Variants in DENND6A observed in about 807,000 individuals in gnomAD.
The protein encoded by DENND6A is protein DENND6A.
In DENND6A, 43 loss-of-function variants were observed where a neutral mutation model predicts 95.5. That is an observed-to-expected ratio of 0.45 (90% CI 0.35 to 0.58). The LOEUF is 0.58. Among genes scored for constraint, DENND6A ranks in the 20% least tolerant of loss-of-function variants. The pLI is 0.00. For missense variants in DENND6A, 574 were observed against 736.0 expected (o/e 0.78, Z 2.55); for synonymous variants, 257 against 260.4 (o/e 0.99, Z 0.13).
intron 12 of DENND6A, among the ~76,000 whole-genome samples, chr3:57,640,135 G>T: frequency 6.6e-6 from 1 of 151,690 alleles, no homozygotes; most frequent in East Asian, 1.9e-4. Flanking sequence ...CAGGCGTGGT[G>T]GTGGGCGCCT....
intron 12 of DENND6A, among the ~76,000 whole-genome samples, chr3:57,636,508 T>C (rs959320152): frequency 6.6e-6 from 1 of 151,770 alleles, no homozygotes; most frequent in African/African-American, 2.4e-5. Context: ...GAAATGACAA[T>C]ATGGAGGGAA....
rs992378756 is a variant in DENND6A at position 57,627,995 on chromosome 3, G to A, written c.*219C>T. 7 of 498,294 alleles carry A rather than the reference G, an allele frequency of 1.4e-5. No individual in the cohort carries two copies. Among genetic ancestry groups the A allele is most frequent in the Non-Finnish European group, 2.3e-5 (7 of 300,426 alleles). The allele number at this position is 498,294 out of a possible 1,614,324, so 30.9% of individuals were successfully genotyped here. A position where few individuals can be genotyped will look rare whatever the true frequency, so the allele number is the denominator to read the frequency against. ...ATTAAAAATATAGAAATGCCTTTCG[G>A]TGTTTCAGTATTAAAGTGGAACCAC... On this transcript the variant is annotated 3_prime_UTR_variant, in exon 20 of 20. Transcript: ENST00000311128.
intron 8 of DENND6A, 146 bp downstream of exon 8, chr3:57,658,972 C>A: frequency 4.6e-6 from 3 of 658,984 alleles, no homozygotes; most frequent in South Asian, 2.8e-5. Context: ...AATATATTAC[C>A]AATTCATTAA....
rs747728626 is a variant in DENND6A, at chr3:57,672,476, A to C, written c.238-38T>G. On this transcript the variant is annotated intron_variant, in intron 1 of 19. Transcript: ENST00000311128. ...AGTTAAATTTTGTTAAACATATTAT[A>C]AACATTAGTTATAAACATATTATAG... 1.9e-6 allele frequency: 3 copies of C among 1,589,410 alleles called. No homozygotes were observed. The South Asian group carries it at 3.3e-5, about 18-fold the overall frequency.
chr3:57,634,737 G>GT lies in DENND6A; in HGVS notation c.1164dup (p.Leu389ThrfsTer18). The GT allele has an allele frequency of 6.4e-7, 1 of 1,571,530 alleles. No homozygotes were observed. The highest frequency in any genetic ancestry group is 8.6e-7 in the Non-Finnish European group (1 of 1,159,118). Reference sequence around the variant, plus strand: ...GAATCCAGAGTCTTTAGATTCTTCAGTTTTTTCACTTTAACCTGCTTAGGA... The same window carrying GT: ...GAATCCAGAGTCTTTAGATTCTTCAGTTTTTTTCACTTTAACCTGCTTAGGA... On this transcript the variant is annotated frameshift_variant, in exon 13 of 20. Coordinates refer to ENST00000311128, the MANE Select transcript of DENND6A (RefSeq NM_152678.3). LOFTEE classifies it high-confidence loss of function.
At chr3:57,683,072 C>T (rs149897097) in intron 1 of DENND6A, among the ~76,000 whole-genome samples, 26 of 152,292 alleles carry the variant, frequency 1.7e-4, no homozygotes, top group African/African-American at 5.8e-4. Context: ...ATCCTTTGTG[C>T]ATGTTAGGTA....
intron 1 of DENND6A, among the ~76,000 whole-genome samples, chr3:57,673,243 G>GAAAAAAAAAAA (rs111548640): frequency 1.7e-5 from 2 of 118,710 alleles, no homozygotes; most frequent in South Asian, 2.6e-4. Context: ...GAAAGAAAAA[G>GAAAAAAAAAAA]AAAAAAAAAA....
chr3:57,645,880 G>T, intron 10 of DENND6A, 124 bp from the exon 11 acceptor site: 1 of 664,898 alleles, frequency 1.5e-6, no homozygotes. Flanking sequence ...TTAATAAATG[G>T]TAAACTCATT....
chr3:57,690,047 GAAAA>G, intron 1 of DENND6A, among the ~76,000 whole-genome samples: 1 of 137,754 alleles, frequency 7.3e-6, no homozygotes, highest in East Asian at 2.2e-4. Context: ...TGTCTCTAAG[GAAAA>G]AAAAAAAAAA....
Position 57,663,735 on chromosome 3 carries a change from G to C in DENND6A, c.433-19C>G, listed in dbSNP as rs1289832863. The C allele has an allele frequency of 2.0e-6, 3 of 1,478,782 alleles. No homozygotes were observed. The Admixed American group carries it at 5.6e-5, about 28-fold the overall frequency. The allele number at this position is 1,478,782 out of a possible 1,614,324, so 91.6% of individuals were successfully genotyped here. On this transcript the variant is annotated intron_variant, in intron 4 of 19. Transcript: ENST00000311128. ...GATCCTTCTAAGAAGAAAGTGACAA[G>C]TAAGTGTGTGTGGGGGGGTACATAT...
intron 12 of DENND6A, among the ~76,000 whole-genome samples, chr3:57,637,056 A>G (rs537073271): frequency 3.9e-5 from 6 of 152,324 alleles, no homozygotes; most frequent in African/African-American, 1.2e-4. Flanking sequence ...GGTAAGGACA[A>G]TAATAGCCAC....
chr3:57,666,040 C>T, intron 4 of DENND6A, 83 bp downstream of exon 4: 32 of 1,145,698 alleles, frequency 2.8e-5, no homozygotes, highest in Non-Finnish European at 3.9e-5. Context: ...CAAAATATTT[C>T]TGAATGGTGT....
At chr3:57,690,120 G>T (rs2077248275) in intron 1 of DENND6A, among the ~76,000 whole-genome samples, 3 of 150,422 alleles carry the variant, frequency 2.0e-5, no homozygotes, top group South Asian at 4.2e-4. Flanking sequence ...TGAGGCAGGT[G>T]TATCACTTGA....
chr3:57,682,277 G>A lies in DENND6A; in HGVS notation c.238-9839C>T, dbSNP rs1199236715. ...GCCTGGGCAACAAGAGTGAGACTCC[G>A]TCTCAAAAAAAAAAAAAAAAAAAAA... On this transcript the variant is annotated intron_variant, in intron 1 of 19. Transcript: ENST00000311128. Among the ~76,000 whole-genome samples, 8 of 77,694 alleles carry A rather than the reference G, an allele frequency of 1.0e-4. No homozygotes were observed. The East Asian group carries it at 1.3e-3, about 13-fold the overall frequency. 51.0% of individuals were successfully genotyped at this position (77,694 alleles called of 152,430 possible).
chr3:57,660,733 G>A, intron 7 of DENND6A, 27 bp downstream of exon 7: 1 of 1,559,996 alleles, frequency 6.4e-7, no homozygotes, highest in Admixed American at 2.0e-5. Flanking sequence ...AAAATAAAAA[G>A]GAGACAATTG....
intron 3 of DENND6A, among the ~76,000 whole-genome samples, chr3:57,669,943 C>A (rs1000291555): frequency 5.5e-5 from 8 of 145,828 alleles, no homozygotes; most frequent in African/African-American, 2.0e-4. Flanking sequence ...ATCACTTGAA[C>A]TGGGAGGCGG....
intron 9 of DENND6A, among the ~76,000 whole-genome samples, chr3:57,647,692 C>T (rs1020101654): frequency 6.6e-6 from 1 of 152,000 alleles, no homozygotes; most frequent in African/African-American, 2.4e-5. Context: ...TGGAGAAGTA[C>T]CCTGGAGTAG....
intron 4 of DENND6A, 23 bp downstream of exon 4, chr3:57,666,100 T>A (rs750153002): frequency 3.1e-6 from 5 of 1,592,766 alleles, no homozygotes; most frequent in Non-Finnish European, 4.3e-6. Context: ...ACATGGACAT[T>A]TTCCTATGAC....
rs79010028 is a variant in DENND6A at position 57,645,969 on chromosome 3, C to T, written c.942-213G>A. 1.1e-3 allele frequency among the ~76,000 whole-genome samples: 161 copies of T among 152,196 alleles called. 3 individuals are homozygous for T. Among genetic ancestry groups the T allele is most frequent in the East Asian group, 7.5e-3 (39 of 5,174 alleles). ...CACACTGGGTTTGGGGCAGAAGATG[C>T]GGTGAAATTCTGGCTCTACTGTTCA... is the stretch of plus-strand genomic sequence containing the variant. On this transcript the variant is annotated intron_variant, in intron 10 of 19. Transcript: ENST00000311128.
Sources: allele counts gnomAD v4.1 joint callset (sites outside exome capture counted in the v4.1 genomes callset), GRCh38; gene constraint gnomAD v4.1.1; transcripts MANE v1.5; gene names NCBI Gene and HGNC (gene_info 2026-07-23, HGNC 2026-07-21).